Variants in SLC38A10 observed in about 807,000 individuals in gnomAD.
SLC38A10 encodes the protein Sodium-coupled neutral amino acid transporter 10.
A neutral mutation model predicts 81.0 loss-of-function variants in SLC38A10; 53 were observed. The ratio of observed to expected loss-of-function variants is 0.65; its 90% confidence interval spans 0.53 to 0.82. The LOEUF (loss-of-function observed/expected upper bound fraction) is 0.82. Ranked by LOEUF, SLC38A10 falls within the 40% of genes least tolerant of loss-of-function variation. The pLI, the probability that SLC38A10 is intolerant of heterozygous loss-of-function variation, is 0.00. For missense variants in SLC38A10, 1,471 were observed against 1,545.0 expected (o/e 0.95, Z 0.80); for synonymous variants, 665 against 655.3 (o/e 1.01, Z -0.23).
intron 14 of SLC38A10, among the ~76,000 whole-genome samples, chr17:81,249,527 G>A (rs1598377545): frequency 8.6e-6 from 1 of 116,946 alleles, no homozygotes; most frequent in Non-Finnish European, 1.8e-5. Context: ...GAGGAGGGAG[G>A]AAGGAAGAGG....
At position 81,280,739 on chromosome 17, in the gene SLC38A10, G is replaced by C. The variant is rs755353798; in HGVS notation, c.502-6C>G. ...TTGAGAGAGGAGAGCACGATCTGCA[G>C]AGGGAGAGGGGAGAGAGCACGGGGC... On this transcript the variant is annotated splice_polypyrimidine_tract_variant and splice_region_variant and intron_variant, in intron 5 of 15. Coordinates refer to ENST00000374759, the MANE Select transcript of SLC38A10 (RefSeq NM_001037984.3). The C allele has an allele frequency of 6.2e-7, 1 of 1,610,548 alleles. No individual in the cohort carries two copies. The highest frequency in any genetic ancestry group is 8.5e-7 in the Non-Finnish European group (1 of 1,178,086).
chr17:81,277,412 C>T lies in SLC38A10; in HGVS notation c.627-279G>A, dbSNP rs1041605416. On this transcript the variant is annotated intron_variant, in intron 6 of 15. Transcript: ENST00000374759. This position sits in a 1 kb window ranked among gnomAD's most constrained non-coding sequence, Gnocchi z 4.5. ...CAGGCTGCTGCTCCACGCCAGGGAG[C>T]GGGTGCTGAGAGTCAAAGCAGCCAG... Among the ~76,000 whole-genome samples, 12 of 152,206 alleles carry T rather than the reference C, an allele frequency of 7.9e-5. No homozygotes were observed. The highest frequency in any genetic ancestry group is 1.7e-4 in the African/African-American group (7 of 41,456).
intron 3 of SLC38A10, 35 bp downstream of exon 3, chr17:81,284,815 G>C (rs80261071): frequency 3.3e-5 from 49 of 1,498,776 alleles, no homozygotes; most frequent in Non-Finnish European, 4.0e-5. Flanking sequence ...GGGTGCGGGG[G>C]TGGGGGGCAA....
intron 8 of SLC38A10, 55 bp from the exon 9 acceptor site, chr17:81,272,682 C>G (rs2063127911): frequency 7.6e-7 from 1 of 1,317,620 alleles, no homozygotes; most frequent in Non-Finnish European, 1.0e-6. Context: ...CCACCACTCT[C>G]CTAGAAAGCA....
In SLC38A10 at chr17:81,283,265, C is replaced by T. The variant is rs2063231882; in HGVS notation, c.357+144G>A. The T allele has an allele frequency of 1.4e-6, 1 of 709,546 alleles. No individual in the cohort carries two copies. The highest frequency in any genetic ancestry group is 2.4e-6 in the Non-Finnish European group (1 of 417,832). 44.0% of individuals were successfully genotyped at this position (709,546 alleles called of 1,614,324 possible). Reference sequence around the variant, plus strand: ...CGTGACCCAGCAAAGCCCCCGCACTCCACCAAGCCCCTAGAATGACAGCAG... The same window carrying T: ...CGTGACCCAGCAAAGCCCCCGCACTTCACCAAGCCCCTAGAATGACAGCAG... On this transcript the variant is annotated intron_variant, in intron 4 of 15. Transcript: ENST00000374759. This position sits in a 1 kb window ranked among gnomAD's most constrained non-coding sequence, Gnocchi z 4.7.
Position 81,294,881 on chromosome 17 carries a change from T to A in SLC38A10, c.41A>T (p.Asn14Ile). Residue 14 changes from asparagine to isoleucine, a missense_variant, in exon 1 of 16, where the codon AAC becomes ATC. Around this residue, in one of 2 missense-constraint regions of SLC38A10, gnomAD observed 720 missense variants for 827.7 expected, o/e 0.87. Coordinates refer to ENST00000374759, the MANE Select transcript of SLC38A10 (RefSeq NM_001037984.3). ...AAASNWGLIT[N>I]IVNSIVGVSV... ...GACCCCTACGATGCTGTTCACGATG[T>A]TCGTGATCAGCCCCCAGTTGGAGGC... is the stretch of plus-strand genomic sequence containing the variant. 1 of 1,596,576 alleles carries A rather than the reference T, an allele frequency of 6.3e-7. No individual in the cohort carries two copies. Among genetic ancestry groups the A allele is most frequent in the Admixed American group, 1.7e-5 (1 of 57,892 alleles).
In SLC38A10 at chr17:81,276,259, G is replaced by A; in HGVS notation, c.730-108C>T. The A allele has an allele frequency of 9.6e-7, 1 of 1,037,590 alleles. No homozygotes were observed. The highest frequency in any genetic ancestry group is 2.8e-5 in the East Asian group (1 of 36,064). 64.3% of individuals were successfully genotyped at this position (1,037,590 alleles called of 1,614,324 possible). On this transcript the variant is annotated intron_variant, in intron 7 of 15. Transcript: ENST00000374759. This position sits in a 1 kb window ranked among gnomAD's most constrained non-coding sequence, Gnocchi z 4.7. ...GGACCTGTGCCCTGCCCCCCAGAAT[G>A]GCCTTCAATCCACTTCATAATGAAG... is the stretch of plus-strand genomic sequence containing the variant.
intron 15 of SLC38A10, 40 bp downstream of exon 15, chr17:81,246,845 T>C (rs2062856799): frequency 1.9e-6 from 3 of 1,550,524 alleles, no homozygotes; most frequent in Non-Finnish European, 2.6e-6. Flanking sequence ...GGAGACCCCC[T>C]GCCTGGCCCC....
intron 14 of SLC38A10, 53 bp from the exon 15 acceptor site, chr17:81,247,114 T>C: frequency 1.3e-6 from 2 of 1,521,912 alleles, no homozygotes; most frequent in Non-Finnish European, 1.8e-6. Flanking sequence ...TGCACCGTGC[T>C]GGGCCAGGGA....
At chr17:81,247,110 G>A (rs773168212) in intron 14 of SLC38A10, 49 bp from the exon 15 acceptor site, 55 of 1,526,736 alleles carry the variant, frequency 3.6e-5, no homozygotes, top group Non-Finnish European at 4.5e-5. Flanking sequence ...CTCATGCACC[G>A]TGCTGGGCCA....
At chr17:81,252,710 G>C (rs373413795) in intron 12 of SLC38A10, 27 bp from the exon 13 acceptor site, 43 of 1,563,064 alleles carry the variant, frequency 2.8e-5, no homozygotes, top group Middle Eastern at 1.7e-4. Context: ...GACAGATGGG[G>C]TCAGGCTGAG....
chr17:81,255,158 C>T (rs1317419564), intron 11 of SLC38A10, among the ~76,000 whole-genome samples: 1 of 152,230 alleles, frequency 6.6e-6, no homozygotes, highest in Non-Finnish European at 1.5e-5. Flanking sequence ...CGCCTCTCAG[C>T]GTTCTGCAAG....
rs371625043 is a variant in SLC38A10 at position 81,276,989 on chromosome 17, T to C, written c.729+42A>G. 1.3e-6 allele frequency: 2 copies of C among 1,584,412 alleles called. No homozygotes were observed. The highest frequency in any genetic ancestry group is 1.7e-6 in the Non-Finnish European group (2 of 1,153,590). On this transcript the variant is annotated intron_variant, in intron 7 of 15. Coordinates refer to ENST00000374759, the MANE Select transcript of SLC38A10 (RefSeq NM_001037984.3). This position sits in a 1 kb window ranked among gnomAD's most constrained non-coding sequence, Gnocchi z 4.7. ...CACGGGGCACCACGGCACATCATGCTGGCATGACACAGGGGCGGAGAGGGC... is the reference window on the plus strand; with the variant it reads ...CACGGGGCACCACGGCACATCATGCCGGCATGACACAGGGGCGGAGAGGGC...
intron 2 of SLC38A10, chr17:81,285,627 G>A (rs986478005): frequency 2.6e-5 from 4 of 152,154 alleles, no homozygotes; most frequent in African/African-American, 9.7e-5. Flanking sequence ...CGGTCATCTG[G>A]TGACCCCCGC....
At position 81,246,656 on chromosome 17, in the gene SLC38A10, G is replaced by A; in HGVS notation, c.2260C>T (p.Pro754Ser). 6.6e-7 allele frequency: 1 copy of A among 1,508,546 alleles called. No homozygotes were observed. The highest frequency in any genetic ancestry group is 8.8e-7 in the Non-Finnish European group (1 of 1,130,466). 93.4% of individuals were successfully genotyped at this position (1,508,546 alleles called of 1,614,324 possible). The change falls in exon 16 of 16, where the codon CCC becomes TCC. Residue 754 changes from proline to serine, a missense_variant. This residue lies in a region of SLC38A10 where 751 missense variants were observed against 717.4 expected (regional missense o/e 1.05). Transcript: ENST00000374759. ...KPRQVEVHQEPGAAVPRGQEA... is the reference protein window; with the variant it reads ...KPRQVEVHQESGAAVPRGQEA... ...TGGCCTCTGGGCACCGCTGCCCCGG[G>A]CTCTTGATGCACCTCCACTGCAAAT...
In SLC38A10 at chr17:81,252,336, C is replaced by G. The variant is rs2062924964; in HGVS notation, c.1804G>C (p.Gly602Arg). The G allele has an allele frequency of 6.2e-7, 1 of 1,612,932 alleles. No homozygotes were observed. The highest frequency in any genetic ancestry group is 8.5e-7 in the Non-Finnish European group (1 of 1,179,894). ...AKEDLGPGDR[G>R]LHPRPQAVLS... is the part of the protein sequence containing the mutation. ...ACTGCCTGGGGCCGAGGATGCAGGC[C>G]CCTGTCTCCTGGCCCCAGGTCCTCC... The change falls in exon 13 of 16, where the codon GGC becomes CGC. Residue 602 changes from glycine (G) to arginine (R), a missense_variant. Physicochemically the swap from Gly to Arg is moderately radical, Grantham distance 125 (BLOSUM62 -2). Around this residue, in one of 2 missense-constraint regions of SLC38A10, gnomAD observed 751 missense variants for 717.4 expected, o/e 1.05. Transcript: ENST00000374759.
At chr17:81,271,931 G>T (rs2063119570) in intron 9 of SLC38A10, among the ~76,000 whole-genome samples, 1 of 151,624 alleles carries the variant, frequency 6.6e-6, no homozygotes, top group Admixed American at 6.6e-5. Context: ...GTTTCACCGT[G>T]TTAGCCAGGA....
chr17:81,248,530 G>A (rs1205696405), intron 14 of SLC38A10, among the ~76,000 whole-genome samples: 1 of 152,268 alleles, frequency 6.6e-6, no homozygotes, highest in Non-Finnish European at 1.5e-5. Context: ...AAGCGGCTGT[G>A]ACTTATGTCA....
rs888814393 is a variant in SLC38A10 at position 81,283,061 on chromosome 17, G to A, written c.357+348C>T. On this transcript the variant is annotated intron_variant, in intron 4 of 15. Coordinates refer to ENST00000374759, the MANE Select transcript of SLC38A10 (RefSeq NM_001037984.3). The surrounding 1 kb of genome is among the most constrained non-coding windows in gnomAD (Gnocchi z 4.7). Reference sequence around the variant, plus strand: ...GAGTCCACAGCCCCCAGAAGCTCTGGGTGACCATGGAGGCCGGGGATGCCT... The same window carrying A: ...GAGTCCACAGCCCCCAGAAGCTCTGAGTGACCATGGAGGCCGGGGATGCCT... Among the ~76,000 whole-genome samples, 1 of 152,138 alleles carries A rather than the reference G, an allele frequency of 6.6e-6. No homozygotes were observed. The highest frequency in any genetic ancestry group is 2.4e-5 in the African/African-American group (1 of 41,436).
Sources: gnomAD v4.1 joint callset for allele counts (sites outside exome capture counted in the v4.1 genomes callset) on GRCh38, gnomAD v4.1.1 for gene constraint, gnomAD v4.1.1 regional missense constraint, Gnocchi (gnomAD v3.1) non-coding constraint, MANE v1.5 for transcripts, NCBI Gene and HGNC (gene_info 2026-07-23, HGNC 2026-07-21) for gene names.